VPS26C: variants seen among roughly 807,000 people sequenced by gnomAD.
The protein encoded by VPS26C is VPS26 endosomal protein sorting factor C, also known as vacuolar protein sorting-associated protein 26C.
Under a neutral mutation model 30.6 loss-of-function variants are expected in VPS26C, and 19 were observed. The ratio of observed to expected loss-of-function variants is 0.62; its 90% CI spans 0.43 to 0.91. The LOEUF (loss-of-function observed/expected upper bound fraction) is 0.91. Ranked by LOEUF, VPS26C falls within the 40% of genes least tolerant of loss-of-function variation. The pLI, the probability that VPS26C is intolerant of heterozygous loss-of-function variation, is 0.00. For missense variants in VPS26C, 318 were observed against 385.1 expected, an observed-to-expected ratio of 0.83 and a Z score of 1.46; for synonymous variants, 132 against 151.5, an observed-to-expected ratio of 0.87 and a Z score of 0.95.
At chr21:37,265,398 C>A (rs1450241988) in intron 1 of VPS26C, among the ~76,000 whole-genome samples, 1 of 152,198 alleles carries the variant, frequency 6.6e-6, no homozygotes, top group East Asian at 1.9e-4. Context: ...CTCCTATACA[C>A]ATATGTGCAT....
chr21:37,245,200 G>A (rs915303592), intron 1 of VPS26C, among the ~76,000 whole-genome samples: 5 of 152,232 alleles, frequency 3.3e-5, no homozygotes, highest in African/African-American at 1.2e-4. Context: ...TGAGGAAGGA[G>A]AGAAATACGA....
At chr21:37,263,242 T>C (rs1387644766) in intron 1 of VPS26C, among the ~76,000 whole-genome samples, 1 of 152,186 alleles carries the variant, frequency 6.6e-6, no homozygotes, top group Non-Finnish European at 1.5e-5. Context: ...ACAACTAAGA[T>C]ACTGAAAAGC....
intron 1 of VPS26C, among the ~76,000 whole-genome samples, chr21:37,252,586 C>T (rs892551684): frequency 2.0e-5 from 3 of 152,188 alleles, no homozygotes; most frequent in African/African-American, 7.2e-5. Flanking sequence ...CAACCCCATT[C>T]CTAGATTTTA....
chr21:37,234,601 G>A (rs896917258), intron 3 of VPS26C, among the ~76,000 whole-genome samples: 5 of 152,166 alleles, frequency 3.3e-5, no homozygotes, highest in African/African-American at 4.8e-5. Flanking sequence ...GTTTAATAAA[G>A]TTAGTTGTTG....
chr21:37,262,684 G>A lies in VPS26C; in HGVS notation c.57+4554C>T, dbSNP rs1206472524. Among the ~76,000 whole-genome samples, 3 of 152,220 alleles carry A rather than the reference G, an allele frequency of 2.0e-5. No homozygotes were observed. The East Asian group carries it at 5.8e-4, about 29-fold the overall frequency. The stretch of plus-strand genomic sequence containing the variant: ...GTCTGGAACACTACACAAATCATCA[G>A]TGGATACGTCCAAGGGCAGAACAGG... On this transcript the variant is annotated intron_variant, in intron 1 of 7. Transcript: ENST00000309117.
rs1339705027 is a variant in VPS26C, at chr21:37,225,430, C to T, written c.*114G>A. 23 of 876,260 alleles carry T rather than the reference C, an allele frequency of 2.6e-5. No homozygotes were observed. The highest frequency in any genetic ancestry group is 4.3e-5 in the Non-Finnish European group (23 of 538,952). 54.3% of individuals were successfully genotyped at this position (876,260 alleles called of 1,614,324 possible). ...TTGAGGGTCTGTTTCATTTCTGATA[C>T]AGAATAATCACAAAAACAAGTATAT... On this transcript the variant is annotated 3_prime_UTR_variant, in exon 8 of 8. Coordinates refer to ENST00000309117, the MANE Select transcript of VPS26C (RefSeq NM_006052.2).
At chr21:37,243,285 G>A (rs1000296848) in intron 1 of VPS26C, among the ~76,000 whole-genome samples, 2 of 152,122 alleles carry the variant, frequency 1.3e-5, no homozygotes, top group Non-Finnish European at 2.9e-5. Flanking sequence ...ACTGGGGGCC[G>A]TGACTACAAA....
At position 37,238,985 on chromosome 21, in the gene VPS26C, C is replaced by T. The variant is rs73903512; in HGVS notation, c.202-376G>A. The stretch of plus-strand genomic sequence containing the variant: ...GGGTTGACGTGTGAACCCACGGCTC[C>T]CCCTCACCGAGCCCCGTGCTCTTCT... On this transcript the variant is annotated intron_variant, in intron 2 of 7. Transcript: ENST00000309117. Among the ~76,000 whole-genome samples, 209 of 152,286 alleles carry T rather than the reference C, an allele frequency of 1.4e-3. 1 individual carries two copies. The highest frequency in any genetic ancestry group is 4.9e-3 in the African/African-American group (204 of 41,548).
At chr21:37,249,640 G>A (rs1363654598) in intron 1 of VPS26C, among the ~76,000 whole-genome samples, 1 of 152,098 alleles carries the variant, frequency 6.6e-6, no homozygotes, top group African/African-American at 2.4e-5. Flanking sequence ...CCCAGAAGTT[G>A]GTTTATAAAG....
chr21:37,242,535 A>G (rs138680779), intron 1 of VPS26C, among the ~76,000 whole-genome samples: 2 of 152,328 alleles, frequency 1.3e-5, no homozygotes, highest in African/African-American at 4.8e-5. Flanking sequence ...ACAGTGAGCC[A>G]TGAATGAGCC....
chr21:37,229,445 G>A (rs1602262727), intron 5 of VPS26C: 1 of 152,256 alleles, frequency 6.6e-6, no homozygotes, highest in South Asian at 2.1e-4. Context: ...CTTTACCTCT[G>A]GCTGGATCCC....
chr21:37,267,680 C>T (rs2086384753), upstream of VPS26C: 1 of 286,564 alleles, frequency 3.5e-6, no homozygotes, highest in Non-Finnish European at 6.7e-6. Context: ...GGAGGCGGAG[C>T]CGAGCCTGTC....
chr21:37,267,564 C>A, upstream of VPS26C: 1 of 544,292 alleles, frequency 1.8e-6, no homozygotes, highest in Non-Finnish European at 3.3e-6. Context: ...CGGGGCCAAG[C>A]TAGCCCCACC....
chr21:37,231,299 T>C (rs986708120), intron 5 of VPS26C, among the ~76,000 whole-genome samples: 3 of 152,236 alleles, frequency 2.0e-5, no homozygotes, highest in Admixed American at 2.0e-4. Flanking sequence ...GCGTCCGTCA[T>C]GGAAGCAGCA....
chr21:37,237,090 G>A (rs764140907), intron 3 of VPS26C, among the ~76,000 whole-genome samples: 4 of 152,140 alleles, frequency 2.6e-5, no homozygotes, highest in Non-Finnish European at 5.9e-5. Context: ...CAGCACACAC[G>A]TTTTCTATGT....
chr21:37,241,306 A>C (rs148952039), intron 1 of VPS26C, among the ~76,000 whole-genome samples: 187 of 152,286 alleles, frequency 1.2e-3, no homozygotes, highest in African/African-American at 4.4e-3. Context: ...CATCATCGAG[A>C]GACTTCACAA....
chr21:37,233,479 G>C lies in VPS26C; in HGVS notation c.352-37C>G, dbSNP rs1411970558. Reference sequence around the variant, plus strand: ...AGTTGGAGGAAAAAAGTTCATTTTAGTGGGATTTGCTTTCATCTTGGAATT... The same window carrying C: ...AGTTGGAGGAAAAAAGTTCATTTTACTGGGATTTGCTTTCATCTTGGAATT... On this transcript the variant is annotated intron_variant, in intron 3 of 7. Transcript: ENST00000309117. This position sits in a 1 kb window ranked among gnomAD's most constrained non-coding sequence, Gnocchi z 5.2. The C allele has an allele frequency of 6.1e-6, 9 of 1,482,226 alleles. No homozygotes were observed. The highest frequency in any genetic ancestry group is 8.5e-6 in the Non-Finnish European group (9 of 1,060,390). 91.8% of individuals were successfully genotyped at this position (1,482,226 alleles called of 1,614,324 possible).
At chr21:37,238,742 G>A (rs943864667) in intron 2 of VPS26C, 133 bp from the exon 3 acceptor site, 20 of 992,030 alleles carry the variant, frequency 2.0e-5, no homozygotes, top group Admixed American at 4.9e-5. Flanking sequence ...GCAGCTCTGC[G>A]CTGGGTCTGG....
intron 3 of VPS26C, among the ~76,000 whole-genome samples, chr21:37,235,604 AC>A (rs2086011877): frequency 6.6e-6 from 1 of 152,140 alleles, no homozygotes; most frequent in African/African-American, 2.4e-5. Flanking sequence ...AGTAGAACAA[AC>A]CTAATAAAAC....
Sources: gnomAD v4.1 joint callset for allele counts (sites outside exome capture counted in the v4.1 genomes callset) on GRCh38, gnomAD v4.1.1 for gene constraint, Gnocchi (gnomAD v3.1) non-coding constraint, MANE v1.5 for transcripts, NCBI Gene and HGNC (gene_info 2026-07-23, HGNC 2026-07-21) for gene names.